Variants in BTRC observed in about 807,000 individuals in gnomAD.
BTRC encodes the protein beta-transducin repeat containing E3 ubiquitin protein ligase.
A neutral mutation model predicts 85.5 loss-of-function variants in BTRC; 42 were observed. The ratio of observed to expected loss-of-function variants is 0.49; its 90% confidence interval spans 0.38 to 0.64. The LOEUF is 0.64. Among genes scored for constraint, BTRC ranks in the 30% least tolerant of loss-of-function variants. The probability of loss-of-function intolerance (pLI) is 0.00; values close to 1 mark genes in which losing one functional copy is unlikely to be tolerated. For synonymous variants in BTRC, 255 were observed against 263.3 expected, an observed-to-expected ratio of 0.97 and a Z score of 0.30; for missense variants, 594 against 743.5, an observed-to-expected ratio of 0.80 and a Z score of 2.34.
At chr10:101,504,790 C>T (rs935376429) in intron 4 of BTRC, among the ~76,000 whole-genome samples, 1 of 151,762 alleles carries the variant, frequency 6.6e-6, no homozygotes, top group Non-Finnish European at 1.5e-5. Context: ...AATTCTCTGT[C>T]CTCCAGGATC....
intron 2 of BTRC, among the ~76,000 whole-genome samples, chr10:101,447,365 A>G (rs1393028148): frequency 6.6e-6 from 1 of 152,170 alleles, no homozygotes; most frequent in Non-Finnish European, 1.5e-5. Context: ...ACTACCCAGA[A>G]TGTCCTTTGT....
At chr10:101,456,385 A>G (rs986897345) in intron 2 of BTRC, among the ~76,000 whole-genome samples, 4 of 152,168 alleles carry the variant, frequency 2.6e-5, no homozygotes, top group African/African-American at 9.7e-5. Flanking sequence ...ACTGAAAATT[A>G]GCTAGATATG....
intron 1 of BTRC, among the ~76,000 whole-genome samples, chr10:101,409,809 T>A (rs901472422): frequency 3.4e-4 from 52 of 152,262 alleles, no homozygotes; most frequent in African/African-American, 1.2e-3. Context: ...ATCTGTTTAT[T>A]CGTTGATAAG....
chr10:101,520,409 C>T (rs1197355807), intron 4 of BTRC, among the ~76,000 whole-genome samples: 1 of 152,166 alleles, frequency 6.6e-6, no homozygotes, highest in Non-Finnish European at 1.5e-5. Flanking sequence ...ATGTTAGAGA[C>T]TGTCATTTTT....
At chr10:101,545,050 CAA>C (rs751267686) in intron 13 of BTRC, among the ~76,000 whole-genome samples, 16 of 121,232 alleles carry the variant, frequency 1.3e-4, no homozygotes, top group Admixed American at 1.7e-4. Context: ...GACCCTGTCT[CAA>C]AAAAAAAAAA....
chr10:101,365,043 CTTTTTCTT>C (rs1476401340), intron 1 of BTRC: 5 of 151,376 alleles, frequency 3.3e-5, no homozygotes, highest in East Asian at 1.9e-4. Flanking sequence ...GATTTTAATT[CTTTTTCTT>C]TTTTTCTTTT....
chr10:101,422,077 CA>C (rs1341724010), intron 1 of BTRC, among the ~76,000 whole-genome samples: 1 of 152,312 alleles, frequency 6.6e-6, no homozygotes, highest in East Asian at 1.9e-4. Context: ...AACTAGTTTA[CA>C]GTCCCACCAA....
intron 13 of BTRC, among the ~76,000 whole-genome samples, chr10:101,543,996 G>A (rs542398950): frequency 1.8e-4 from 28 of 152,114 alleles, no homozygotes; most frequent in East Asian, 1.2e-3. Context: ...TGCAACCTCC[G>A]CCTCCCAGGT....
intron 2 of BTRC, among the ~76,000 whole-genome samples, chr10:101,451,433 T>C (rs1944952748): frequency 1.3e-5 from 2 of 152,200 alleles, no homozygotes; most frequent in Non-Finnish European, 2.9e-5. Context: ...CAAGCATAAT[T>C]GGTTGAAAGG....
intron 3 of BTRC, among the ~76,000 whole-genome samples, chr10:101,469,068 C>T (rs1021250270): frequency 2.0e-5 from 3 of 152,134 alleles, no homozygotes; most frequent in Admixed American, 6.5e-5. Context: ...GCTTTATATG[C>T]GATATAAAAA....
intron 3 of BTRC, among the ~76,000 whole-genome samples, chr10:101,477,984 A>G (rs1481528053): frequency 6.6e-6 from 1 of 151,956 alleles, no homozygotes; most frequent in East Asian, 1.9e-4. Flanking sequence ...ACATTACCAG[A>G]TGTACTTAAG....
At chr10:101,509,758 C>T (rs1204121060) in intron 4 of BTRC, among the ~76,000 whole-genome samples, 13 of 141,984 alleles carry the variant, frequency 9.2e-5, no homozygotes, top group African/African-American at 3.5e-4. Flanking sequence ...GATGGAGTCT[C>T]ACTATGCTGC....
At chr10:101,371,785 A>G (rs1298129829) in intron 1 of BTRC, among the ~76,000 whole-genome samples, 1 of 151,596 alleles carries the variant, frequency 6.6e-6, no homozygotes, top group Admixed American at 6.6e-5. Flanking sequence ...TCTGCAATCC[A>G]TCTGGAATTA....
intron 2 of BTRC, among the ~76,000 whole-genome samples, chr10:101,452,571 T>A (rs1457996186): frequency 3.3e-5 from 5 of 152,220 alleles, no homozygotes; most frequent in African/African-American, 9.6e-5. Flanking sequence ...TGTCGGACAG[T>A]GTGGCGGGGA....
intron 1 of BTRC, among the ~76,000 whole-genome samples, chr10:101,379,840 T>C (rs2133957284): frequency 6.6e-6 from 1 of 152,292 alleles, no homozygotes; most frequent in Non-Finnish European, 1.5e-5. Flanking sequence ...AAAATAAAAC[T>C]GACATTCACA....
chr10:101,463,746 T>C (rs1945291068), intron 3 of BTRC, among the ~76,000 whole-genome samples: 1 of 152,302 alleles, frequency 6.6e-6, no homozygotes, highest in South Asian at 2.1e-4. Flanking sequence ...AGTGATTTGA[T>C]ACTCAGATCT....
chr10:101,373,036 T>C (rs541022199), intron 1 of BTRC, among the ~76,000 whole-genome samples: 2 of 152,176 alleles, frequency 1.3e-5, no homozygotes, highest in African/African-American at 4.8e-5. Context: ...AATTTCTCTG[T>C]TTAGAGGTCT....
rs549821733 is a variant in BTRC, at chr10:101,529,380, G to A, written c.744-1857G>A. Among the ~76,000 whole-genome samples, 19 of 152,290 alleles carry A rather than the reference G, an allele frequency of 1.2e-4. No homozygotes were observed. The South Asian group carries it at 3.7e-3, about 30-fold the overall frequency. On this transcript the variant is annotated intron_variant, in intron 6 of 14. Coordinates refer to ENST00000370187, the MANE Select transcript of BTRC (RefSeq NM_033637.4). ...GAATGTAGATAGTATCATTGCATAG[G>A]AAGAAAGTCTTGGAGTGCTAGAGAT...
chr10:101,555,403 C>T lies in BTRC; in HGVS notation c.*2280C>T, dbSNP rs2062712162. ...CTGTTTTGAGACATGTCCAGTACAT[C>T]ACAAAGGAGATCGGGGCGACCCCTG... is the stretch of plus-strand genomic sequence containing the variant. On this transcript the variant is annotated 3_prime_UTR_variant, in exon 15 of 15. Transcript: ENST00000370187. The T allele has an allele frequency of 6.6e-6, 1 of 152,634 alleles. No homozygotes were observed. Among genetic ancestry groups the T allele is most frequent in the Non-Finnish European group, 1.5e-5 (1 of 68,036 alleles). 9.5% of individuals were successfully genotyped at this position (152,634 alleles called of 1,614,324 possible). A position where few individuals can be genotyped will look rare whatever the true frequency, so the allele number is the denominator to read the frequency against.
Sources: allele counts gnomAD v4.1 joint callset (sites outside exome capture counted in the v4.1 genomes callset), GRCh38; gene constraint gnomAD v4.1.1; transcripts MANE v1.5; gene names NCBI Gene and HGNC (gene_info 2026-07-23, HGNC 2026-07-21).